Variants in SEMA3A observed in about 807,000 individuals in gnomAD.
SEMA3A encodes the protein semaphorin 3A.
Under a neutral mutation model 97.9 loss-of-function variants are expected in SEMA3A, and 29 were observed. The ratio of observed to expected loss-of-function variants is 0.30; its 90% confidence interval spans 0.22 to 0.40. The LOEUF (loss-of-function observed/expected upper bound fraction) is 0.40, where lower values mean the gene tolerates loss of function less well. Ranked by LOEUF, SEMA3A falls within the 10% of genes least tolerant of loss-of-function variation. SEMA3A has a pLI of 1.00. For missense variants in SEMA3A, 763 were observed against 951.3 expected (o/e 0.80, Z 2.60); for synonymous variants, 321 against 323.7 (o/e 0.99, Z 0.09).
At chr7:84,465,920 T>A (rs1438033261) in intron 1 of SEMA3A, among the ~76,000 whole-genome samples, 1 of 152,126 alleles carries the variant, frequency 6.6e-6, no homozygotes, top group Non-Finnish European at 1.5e-5. Flanking sequence ...AAAACTATCT[T>A]CTGTATGAAG....
At chr7:84,422,150 CT>C (rs531228216) in intron 1 of SEMA3A, among the ~76,000 whole-genome samples, 42 of 151,460 alleles carry the variant, frequency 2.8e-4, no homozygotes, top group Non-Finnish European at 4.6e-4. Context: ...TGGTCCTGGG[CT>C]TTTTTTTGGT....
chr7:84,329,728 A>G (rs1801867455), intron 2 of SEMA3A, among the ~76,000 whole-genome samples: 3 of 152,128 alleles, frequency 2.0e-5, no homozygotes, highest in Non-Finnish European at 4.4e-5. Flanking sequence ...ACAGTGCTAC[A>G]TTATATTTTC....
intron 1 of SEMA3A, among the ~76,000 whole-genome samples, chr7:84,480,584 A>C (rs1043515973): frequency 6.6e-6 from 1 of 152,158 alleles, no homozygotes; most frequent in African/African-American, 2.4e-5. Flanking sequence ...GGTTGGCCTG[A>C]GCAGAAGATT....
intron 11 of SEMA3A, among the ~76,000 whole-genome samples, chr7:84,003,909 A>T (rs117960554): frequency 7.9e-5 from 12 of 152,238 alleles, no homozygotes; most frequent in African/African-American, 2.9e-4. Context: ...TGGTAGAGAA[A>T]CTTTCTCACT....
At chr7:84,179,114 C>T (rs1297586893) in intron 1 of SEMA3A, among the ~76,000 whole-genome samples, 1 of 152,174 alleles carries the variant, frequency 6.6e-6, no homozygotes, top group Non-Finnish European at 1.5e-5. Context: ...TGTGTTTTGA[C>T]ATACTTGCCT....
At chr7:84,433,506 T>A (rs1362657948) in intron 1 of SEMA3A, among the ~76,000 whole-genome samples, 2 of 152,174 alleles carry the variant, frequency 1.3e-5, no homozygotes, top group Non-Finnish European at 2.9e-5. Context: ...TTCCAAGTCT[T>A]TGCTATTGTG....
intron 5 of SEMA3A, among the ~76,000 whole-genome samples, chr7:84,048,330 T>C (rs1388029515): frequency 6.6e-6 from 1 of 152,034 alleles, no homozygotes; most frequent in Non-Finnish European, 1.5e-5. Flanking sequence ...TGATAACCTA[T>C]GTATAAATTT....
intron 1 of SEMA3A, among the ~76,000 whole-genome samples, chr7:84,406,323 C>T (rs1005871875): frequency 6.6e-4 from 101 of 152,248 alleles, no homozygotes; most frequent in Admixed American, 1.4e-3. Context: ...TTCCTTGACA[C>T]ATACACCCTC....
intron 1 of SEMA3A, among the ~76,000 whole-genome samples, chr7:84,190,447 A>C (rs939034054): frequency 2.6e-5 from 4 of 151,640 alleles, no homozygotes; most frequent in Non-Finnish European, 5.9e-5. Context: ...GGTGACAAAT[A>C]TACAGTGAGT....
At chr7:84,344,025 A>G (rs1802236182) in intron 2 of SEMA3A, among the ~76,000 whole-genome samples, 1 of 152,028 alleles carries the variant, frequency 6.6e-6, no homozygotes, top group Admixed American at 6.6e-5. Flanking sequence ...AAAAAAAAAG[A>G]AAATTTGTAA....
intron 3 of SEMA3A, among the ~76,000 whole-genome samples, chr7:84,117,091 T>C (rs1282522397): frequency 6.6e-6 from 1 of 152,162 alleles, no homozygotes; most frequent in Non-Finnish European, 1.5e-5. Flanking sequence ...AAATTTCATT[T>C]TTTTCTGGCA....
chr7:84,190,177 T>A (rs2116264264), intron 1 of SEMA3A, among the ~76,000 whole-genome samples: 1 of 151,886 alleles, frequency 6.6e-6, no homozygotes, highest in African/African-American at 2.4e-5. Context: ...CAAAGGTCAA[T>A]CTGGTTGTCA....
At chr7:84,127,755 T>A (rs776037502) in intron 3 of SEMA3A, among the ~76,000 whole-genome samples, 1 of 152,130 alleles carries the variant, frequency 6.6e-6, no homozygotes, top group African/African-American at 2.4e-5. Flanking sequence ...TCTAAACATA[T>A]ACATCATTGT....
Position 84,182,416 on chromosome 7 carries a change from C to A in SEMA3A, c.112+12059G>T, listed in dbSNP as rs1281668157. 3.9e-5 allele frequency among the ~76,000 whole-genome samples: 6 copies of A among 152,080 alleles called. No individual in the cohort carries two copies. The East Asian group carries it at 1.2e-3, about 29-fold the overall frequency. ...AAGTACAGAAGCAAATAAAACTAGT[C>A]ATTTCCTGGTTATTTTTACTGAATA... On this transcript the variant is annotated intron_variant, in intron 1 of 16. Coordinates refer to ENST00000265362, the MANE Select transcript of SEMA3A (RefSeq NM_006080.3).
intron 1 of SEMA3A, among the ~76,000 whole-genome samples, chr7:84,439,748 T>C (rs1805224507): frequency 6.6e-6 from 1 of 152,162 alleles, no homozygotes; most frequent in African/African-American, 2.4e-5. Flanking sequence ...TGATAGTACA[T>C]ATATAGTACA....
intron 13 of SEMA3A, among the ~76,000 whole-genome samples, chr7:83,983,627 C>T (rs1443062932): frequency 2.6e-5 from 4 of 151,856 alleles, no homozygotes; most frequent in African/African-American, 9.7e-5. Context: ...TGATAAAATG[C>T]CAAAAGTAAC....
intron 1 of SEMA3A, among the ~76,000 whole-genome samples, chr7:84,473,453 G>A (rs1043004053): frequency 6.6e-6 from 1 of 151,140 alleles, no homozygotes; most frequent in African/African-American, 2.4e-5. Context: ...GGAGTGCAGT[G>A]GCACATTCTC....
At chr7:84,267,862 C>G (rs2115688903) in intron 3 of SEMA3A, among the ~76,000 whole-genome samples, 1 of 152,148 alleles carries the variant, frequency 6.6e-6, no homozygotes, top group Admixed American at 6.6e-5. Context: ...GGCAGCAAAA[C>G]TTTATTCTTT....
At chr7:84,406,669 T>C (rs964216080) in intron 1 of SEMA3A, among the ~76,000 whole-genome samples, 6 of 152,066 alleles carry the variant, frequency 3.9e-5, no homozygotes, top group South Asian at 4.1e-4. Flanking sequence ...ACTGGCAAAC[T>C]GAATCCAGCA....
Sources: gnomAD v4.1 joint callset for allele counts (sites outside exome capture counted in the v4.1 genomes callset) on GRCh38, gnomAD v4.1.1 for gene constraint, MANE v1.5 for transcripts, NCBI Gene and HGNC (gene_info 2026-07-23, HGNC 2026-07-21) for gene names.